Variants in ARHGEF33 observed in about 807,000 individuals in gnomAD.
ARHGEF33 encodes the protein Rho guanine nucleotide exchange factor 33.
Under a neutral mutation model 101.9 loss-of-function variants are expected in ARHGEF33, and 72 were observed. That is an observed-to-expected ratio of 0.71 (90% CI 0.58 to 0.86). The LOEUF is 0.86. Among genes scored for constraint, ARHGEF33 ranks in the 40% least tolerant of loss-of-function variants. The probability of loss-of-function intolerance (pLI) is 0.00; values close to 1 mark genes in which losing one functional copy is unlikely to be tolerated. For synonymous variants in ARHGEF33, 499 were observed against 442.5 expected (o/e 1.13, Z -1.60); for missense variants, 1,169 against 1,111.3 (o/e 1.05, Z -0.74).
chr2:38,904,816 G>T (rs11124655), intron 2 of ARHGEF33, among the ~76,000 whole-genome samples: 2 of 152,080 alleles, frequency 1.3e-5, no homozygotes, highest in East Asian at 3.9e-4. Context: ...ACAATCTACT[G>T]GCAGTGAAGA....
chr2:38,938,780 C>A lies in ARHGEF33; in HGVS notation c.790+1221C>A, dbSNP rs553797944. 2.6e-5 allele frequency among the ~76,000 whole-genome samples: 4 copies of A among 152,248 alleles called. No individual in the cohort carries two copies. The South Asian group carries it at 6.2e-4, about 24-fold the overall frequency. ...AAGAACCACTATTATGACTTCTATACCACAAATTAGTTTTGTCTGTTCTTA... is the reference window on the plus strand; with the variant it reads ...AAGAACCACTATTATGACTTCTATAACACAAATTAGTTTTGTCTGTTCTTA... On this transcript the variant is annotated intron_variant, in intron 9 of 17. Transcript: ENST00000409978.
chr2:38,941,369 G>A (rs1667302771), intron 9 of ARHGEF33, among the ~76,000 whole-genome samples: 1 of 152,080 alleles, frequency 6.6e-6, no homozygotes, highest in African/African-American at 2.4e-5. Context: ...GATTTCTCTT[G>A]CGGTCATAAT....
At chr2:38,919,281 A>G in intron 2 of ARHGEF33, 82 bp from the exon 3 acceptor site, 13 of 645,736 alleles carry the variant, frequency 2.0e-5, no homozygotes, top group Non-Finnish European at 3.5e-5. Context: ...GTTCATTTCA[A>G]TTTTTTTACT....
chr2:38,945,646 A>G (rs1187582364), intron 10 of ARHGEF33, among the ~76,000 whole-genome samples: 1 of 152,256 alleles, frequency 6.6e-6, no homozygotes, highest in East Asian at 1.9e-4. Flanking sequence ...AATGAAATCT[A>G]AAGGCGGTGT....
At chr2:38,937,283 G>C in intron 8 of ARHGEF33, 52 bp from the exon 9 acceptor site, 3 of 869,650 alleles carry the variant, frequency 3.4e-6, no homozygotes, top group South Asian at 1.5e-5. Flanking sequence ...TTTTTAAAAA[G>C]ATTTTGATAG....
chr2:38,896,338 AT>A (rs1468083191), intron 2 of ARHGEF33, among the ~76,000 whole-genome samples: 1 of 152,140 alleles, frequency 6.6e-6, no homozygotes, highest in Non-Finnish European at 1.5e-5. Context: ...GGGTTTCACC[AT>A]GTTGGCCAGG....
chr2:38,894,344 A>AG (rs1558420952), intron 1 of ARHGEF33, among the ~76,000 whole-genome samples: 1 of 151,282 alleles, frequency 6.6e-6, no homozygotes, highest in Non-Finnish European at 1.5e-5. Context: ...AAAAAAAAAA[A>AG]TGTTGCTTTT....
intron 1 of ARHGEF33, 59 bp from the exon 2 acceptor site, chr2:38,895,718 G>T (rs984647020): frequency 4.0e-5 from 6 of 150,612 alleles, no homozygotes; most frequent in Admixed American, 4.0e-4. Context: ...AAAAAATGAT[G>T]GTATAAAATG....
At chr2:38,897,945 G>T (rs1666158476) in intron 2 of ARHGEF33, among the ~76,000 whole-genome samples, 1 of 152,206 alleles carries the variant, frequency 6.6e-6, no homozygotes, top group African/African-American at 2.4e-5. Flanking sequence ...ATGTGCATGG[G>T]AGTGACTAAA....
At chr2:38,942,653 G>T (rs1375853951) in intron 9 of ARHGEF33, among the ~76,000 whole-genome samples, 1 of 151,964 alleles carries the variant, frequency 6.6e-6, no homozygotes, top group Non-Finnish European at 1.5e-5. Context: ...TTGAGAATAT[G>T]AATTGTAAGA....
chr2:38,944,205 A>G (rs999314498), intron 10 of ARHGEF33, among the ~76,000 whole-genome samples, 175 bp downstream of exon 10: 2 of 152,254 alleles, frequency 1.3e-5, no homozygotes, highest in African/African-American at 4.8e-5. Context: ...CTATGACAGA[A>G]TATCGTAGAC....
intron 4 of ARHGEF33, among the ~76,000 whole-genome samples, chr2:38,923,237 C>A (rs1182331654): frequency 6.6e-6 from 1 of 152,092 alleles, no homozygotes; most frequent in Non-Finnish European, 1.5e-5. Flanking sequence ...GCTATTATAA[C>A]CCCATCCTTG....
chr2:38,933,847 A>C (rs2124387950), intron 7 of ARHGEF33, among the ~76,000 whole-genome samples: 1 of 152,284 alleles, frequency 6.6e-6, no homozygotes, highest in East Asian at 1.9e-4. Flanking sequence ...CTTACCACAA[A>C]TGGCTGATGG....
At chr2:38,927,447 G>C (rs1322679558) in intron 4 of ARHGEF33, among the ~76,000 whole-genome samples, 4 of 152,212 alleles carry the variant, frequency 2.6e-5, no homozygotes, top group Non-Finnish European at 5.9e-5. Context: ...TGTAATCCCA[G>C]CACTTTGGGA....
rs1388248609 is a variant in ARHGEF33 at position 38,959,979 on chromosome 2, C to T, written c.1674C>T (p.Phe558=). ...AGAGCCTTCTGGCACCGACGCAGTT[C>T]TGCGCGGCCGAGCAGGACGTGAAGG... ...RPESLLAPTQ[F]CAAEQDVKAL... The change falls in exon 16 of 18, where the codon TTC becomes TTT. Residue 558 remains phenylalanine (F), a synonymous_variant. Coordinates refer to ENST00000409978, the MANE Select transcript of ARHGEF33 (RefSeq NM_001145451.5). 1.9e-6 allele frequency: 3 copies of T among 1,551,052 alleles called. No homozygotes were observed. The highest frequency in any genetic ancestry group is 2.6e-6 in the Non-Finnish European group (3 of 1,146,778).
Position 38,973,911 on chromosome 2 carries a change from A to AATATATATATATAGATATAG in ARHGEF33, c.*81_*82insGATATAGATATATATATATA. 9.7e-7 allele frequency: 1 copy of AATATATATATATAGATATAG among 1,031,264 alleles called. No homozygotes were observed. Among genetic ancestry groups the AATATATATATATAGATATAG allele is most frequent in the Non-Finnish European group, 1.3e-6 (1 of 782,150 alleles). The allele number at this position is 1,031,264 out of a possible 1,614,324, so 63.9% of individuals were successfully genotyped here. On this transcript the variant is annotated 3_prime_UTR_variant, in exon 18 of 18. Transcript: ENST00000409978. ...AAAAGCTTGTATATATCTGTGTAGGAATATATATATATATCTATATCTATA... is the reference window on the plus strand; with the variant it reads ...AAAAGCTTGTATATATCTGTGTAGGAATATATATATATAGATATAGATATATATATATATCTATATCTATA...
chr2:38,938,561 A>AT (rs890684594), intron 9 of ARHGEF33, among the ~76,000 whole-genome samples: 131 of 152,070 alleles, frequency 8.6e-4, no homozygotes, highest in African/African-American at 3.0e-3. Flanking sequence ...GTTTTACACT[A>AT]TTTTTTTTAC....
intron 16 of ARHGEF33, among the ~76,000 whole-genome samples, chr2:38,961,135 TC>T (rs1391559227): frequency 6.6e-6 from 1 of 152,190 alleles, no homozygotes; most frequent in Non-Finnish European, 1.5e-5. Flanking sequence ...CTCCACTTCT[TC>T]CCGGCAGCAT....
intron 9 of ARHGEF33, among the ~76,000 whole-genome samples, chr2:38,941,092 C>T (rs1300415693): frequency 6.6e-6 from 1 of 152,180 alleles, no homozygotes; most frequent in Admixed American, 6.5e-5. Flanking sequence ...AGAACAATGG[C>T]TGATTATCAT....
Sources: gnomAD v4.1 joint callset for allele counts (sites outside exome capture counted in the v4.1 genomes callset) on GRCh38, gnomAD v4.1.1 for gene constraint, MANE v1.5 for transcripts, NCBI Gene and HGNC (gene_info 2026-07-23, HGNC 2026-07-21) for gene names.